The following CDIN1 variants were observed in gnomAD, a reference collection of about 807,000 sequenced individuals.
CDIN1 encodes CDAN1-interacting nuclease 1.
A neutral mutation model predicts 45.3 loss-of-function variants in CDIN1; 33 were observed. That is an observed-to-expected ratio of 0.73 (90% CI 0.55 to 0.97). CDIN1 has a LOEUF of 0.97. Among genes scored for constraint, CDIN1 ranks in the 50% least tolerant of loss-of-function variants. The pLI is 0.00. For missense variants in CDIN1, 303 were observed against 339.4 expected, an observed-to-expected ratio of 0.89 and a Z score of 0.84; for synonymous variants, 118 against 124.4, an observed-to-expected ratio of 0.95 and a Z score of 0.34.
chr15:36,740,803 C>T (rs942172737), intron 10 of CDIN1, among the ~76,000 whole-genome samples: 5 of 151,614 alleles, frequency 3.3e-5, no homozygotes, highest in Admixed American at 1.3e-4. Flanking sequence ...GCAGGAGAAT[C>T]GCTTGAACCC....
At chr15:36,672,110 A>G (rs2041473367) in intron 5 of CDIN1, among the ~76,000 whole-genome samples, 1 of 151,966 alleles carries the variant, frequency 6.6e-6, no homozygotes, top group Non-Finnish European at 1.5e-5. Flanking sequence ...TGGAATGTTA[A>G]ATTTTATTAG....
intron 8 of CDIN1, chr15:36,702,210 A>G: frequency 5.8e-6 from 4 of 690,216 alleles, no homozygotes; most frequent in Non-Finnish European, 1.1e-5. Context: ...TAAAAATATG[A>G]TGCTGTTTTT....
chr15:36,633,001 G>T (rs1343881059), intron 1 of CDIN1, among the ~76,000 whole-genome samples: 1 of 152,142 alleles, frequency 6.6e-6, no homozygotes, highest in African/African-American at 2.4e-5. Flanking sequence ...AGGTACTTAA[G>T]ACTCTCATTA....
intron 1 of CDIN1, among the ~76,000 whole-genome samples, chr15:36,621,823 T>C (rs147487274): frequency 2.6e-5 from 4 of 152,236 alleles, no homozygotes; most frequent in Admixed American, 2.6e-4. Context: ...TCTGACTTAA[T>C]TATAATATTT....
chr15:36,618,710 G>C, intron 1 of CDIN1: 1 of 772,394 alleles, frequency 1.3e-6, no homozygotes, highest in Middle Eastern at 2.4e-4. Context: ...CTCAGTATGA[G>C]TACCAGTTCT....
chr15:36,607,733 C>A (rs1290681933), intron 1 of CDIN1, among the ~76,000 whole-genome samples: 1 of 152,112 alleles, frequency 6.6e-6, no homozygotes, highest in Non-Finnish European at 1.5e-5. Context: ...CTGCAACATT[C>A]ACCCTTTTTA....
At chr15:36,797,796 A>T (rs995582958) in intron 10 of CDIN1, among the ~76,000 whole-genome samples, 1 of 152,070 alleles carries the variant, frequency 6.6e-6, no homozygotes, top group Admixed American at 6.5e-5. Context: ...CCTTGCCAAC[A>T]TGGTGAAACC....
chr15:36,749,677 C>T (rs577499489), intron 10 of CDIN1, among the ~76,000 whole-genome samples: 1 of 152,252 alleles, frequency 6.6e-6, no homozygotes, highest in African/African-American at 2.4e-5. Context: ...AAAGCAAAAA[C>T]AAAAAAGTAC....
At chr15:36,787,181 C>T (rs988564207) in intron 10 of CDIN1, among the ~76,000 whole-genome samples, 15 of 152,050 alleles carry the variant, frequency 9.9e-5, no homozygotes, top group African/African-American at 3.4e-4. Flanking sequence ...AAACTGAGTT[C>T]TAGGGAAGCC....
intron 8 of CDIN1, among the ~76,000 whole-genome samples, chr15:36,698,389 GATTA>G (rs2042512867): frequency 6.6e-6 from 1 of 152,266 alleles, no homozygotes; most frequent in South Asian, 2.1e-4. Flanking sequence ...AAATAAAGTT[GATTA>G]ATTAAGCAAG....
intron 1 of CDIN1, among the ~76,000 whole-genome samples, chr15:36,626,379 C>A: frequency 1.4e-5 from 2 of 140,362 alleles, no homozygotes; most frequent in African/African-American, 2.8e-5. Context: ...GATGGCAAAT[C>A]CATTTCTTAA....
At chr15:36,631,679 A>T (rs1200061605) in intron 1 of CDIN1, among the ~76,000 whole-genome samples, 1 of 152,102 alleles carries the variant, frequency 6.6e-6, no homozygotes, top group Non-Finnish European at 1.5e-5. Flanking sequence ...GGTTGTTTCT[A>T]CCTTTTAGCT....
chr15:36,612,536 A>G (rs907936510), intron 1 of CDIN1, among the ~76,000 whole-genome samples: 20 of 152,180 alleles, frequency 1.3e-4, no homozygotes, highest in Admixed American at 1.2e-3. Flanking sequence ...TGAGATCAGA[A>G]TGAGGCTGCA....
chr15:36,668,508 T>G (rs1227422176), intron 5 of CDIN1, among the ~76,000 whole-genome samples: 3 of 152,122 alleles, frequency 2.0e-5, no homozygotes, highest in Admixed American at 2.0e-4. Context: ...CAAGCCTACA[T>G]GTCCTGCTTA....
intron 8 of CDIN1, chr15:36,708,409 A>G (rs1241698654): frequency 6.6e-6 from 1 of 151,616 alleles, no homozygotes; most frequent in Non-Finnish European, 1.5e-5. Flanking sequence ...CAGAAATCAC[A>G]TTGTACTGCC....
intron 1 of CDIN1, among the ~76,000 whole-genome samples, chr15:36,621,747 T>G (rs2039203031): frequency 6.6e-6 from 1 of 152,224 alleles, no homozygotes; most frequent in Non-Finnish European, 1.5e-5. Flanking sequence ...ATTTATTTTG[T>G]TGGCCTCCCT....
intron 8 of CDIN1, chr15:36,702,004 A>C: frequency 1.4e-6 from 1 of 701,502 alleles, no homozygotes. Flanking sequence ...CAAACAGGGG[A>C]TTATGACTTC....
At chr15:36,604,339 AT>A (rs2038251742) in intron 1 of CDIN1, among the ~76,000 whole-genome samples, 1 of 150,564 alleles carries the variant, frequency 6.6e-6, no homozygotes, top group Non-Finnish European at 1.5e-5. Context: ...GGTTTTCTAA[AT>A]TTGATTACCA....
At chr15:36,801,504 C>A (rs2055045706) in intron 10 of CDIN1, among the ~76,000 whole-genome samples, 1 of 152,102 alleles carries the variant, frequency 6.6e-6, no homozygotes, top group Non-Finnish European at 1.5e-5. Flanking sequence ...AAGTTCTGAA[C>A]CTTCTTTTCT....
Sources: gnomAD v4.1 joint callset for allele counts (sites outside exome capture counted in the v4.1 genomes callset) on GRCh38, gnomAD v4.1.1 for gene constraint, MANE v1.5 for transcripts, NCBI Gene and HGNC (gene_info 2026-07-23, HGNC 2026-07-21) for gene names.